Variants in AP3B1 observed in about 807,000 individuals in gnomAD.
AP3B1 encodes the protein AP-3 complex subunit beta-1.
Under a neutral mutation model 132.5 loss-of-function variants are expected in AP3B1, and 61 were observed. That is an observed-to-expected ratio of 0.46 (90% CI 0.37 to 0.57). The LOEUF (loss-of-function observed/expected upper bound fraction) is 0.57, where lower values mean the gene tolerates loss of function less well. Among genes scored for constraint, AP3B1 ranks in the 20% least tolerant of loss-of-function variants. The probability of loss-of-function intolerance (pLI) is 0.00; values close to 1 mark genes in which losing one functional copy is unlikely to be tolerated. For missense variants in AP3B1, 1,120 were observed against 1,289.4 expected (o/e 0.87, Z 2.01); for synonymous variants, 388 against 438.3 (o/e 0.89, Z 1.43).
intron 3 of AP3B1, among the ~76,000 whole-genome samples, chr5:78,238,736 C>CA (rs1156243156): frequency 6.7e-6 from 1 of 149,378 alleles, no homozygotes; most frequent in Non-Finnish European, 1.5e-5. Context: ...CTAGTTAACC[C>CA]AAAAAAGGAA....
chr5:78,041,665 A>G (rs1030118234), intron 22 of AP3B1, among the ~76,000 whole-genome samples: 3 of 152,150 alleles, frequency 2.0e-5, no homozygotes, highest in African/African-American at 7.2e-5. Context: ...GGTTATATAA[A>G]ATAATAGGGC....
chr5:78,055,401 T>C (rs1194649035), intron 22 of AP3B1, among the ~76,000 whole-genome samples: 1 of 152,224 alleles, frequency 6.6e-6, no homozygotes, highest in Admixed American at 6.5e-5. Context: ...TTCAAGCTAT[T>C]TGATGAGAAG....
At chr5:78,073,019 C>T (rs568469654) in intron 22 of AP3B1, among the ~76,000 whole-genome samples, 1 of 152,034 alleles carries the variant, frequency 6.6e-6, no homozygotes, top group Non-Finnish European at 1.5e-5. Context: ...CACGCCCAGC[C>T]CACGTCTGAT....
At chr5:78,009,381 G>A (rs1746524088) in intron 26 of AP3B1, among the ~76,000 whole-genome samples, 1 of 151,820 alleles carries the variant, frequency 6.6e-6, no homozygotes, top group Non-Finnish European at 1.5e-5. Context: ...GATTGCCTGG[G>A]CCCAGTTCAA....
At chr5:78,045,133 C>A (rs1748269356) in intron 22 of AP3B1, among the ~76,000 whole-genome samples, 1 of 152,016 alleles carries the variant, frequency 6.6e-6, no homozygotes. Flanking sequence ...GTAATCCCAG[C>A]ACTTTGGGAG....
chr5:78,077,960 T>A (rs1489210925), intron 22 of AP3B1, among the ~76,000 whole-genome samples: 1 of 152,176 alleles, frequency 6.6e-6, no homozygotes, highest in Non-Finnish European at 1.5e-5. Flanking sequence ...TCCCTAGGAT[T>A]CCATCTTCAG....
At chr5:78,085,887 C>G (rs1232721120) in intron 22 of AP3B1, among the ~76,000 whole-genome samples, 2 of 152,088 alleles carry the variant, frequency 1.3e-5, no homozygotes, top group Admixed American at 1.3e-4. Context: ...AAAAAACCCT[C>G]CAAAACATCA....
intron 1 of AP3B1, among the ~76,000 whole-genome samples, chr5:78,272,093 C>T (rs182772326): frequency 6.6e-6 from 1 of 152,200 alleles, no homozygotes; most frequent in African/African-American, 2.4e-5. Context: ...TTTCTACAGC[C>T]CTTTATCCTA....
intron 2 of AP3B1, among the ~76,000 whole-genome samples, chr5:78,256,412 A>G (rs1023444619): frequency 6.6e-6 from 1 of 152,150 alleles, no homozygotes; most frequent in African/African-American, 2.4e-5. Context: ...AAATTGGAAA[A>G]TCTAGAAGAA....
At chr5:78,023,539 A>C (rs1447383854) in intron 24 of AP3B1, among the ~76,000 whole-genome samples, 1 of 152,194 alleles carries the variant, frequency 6.6e-6, no homozygotes. Context: ...AATGGTGTAA[A>C]TGGTGTAGGG....
intron 26 of AP3B1, among the ~76,000 whole-genome samples, chr5:78,005,387 A>G (rs1447610818): frequency 6.6e-6 from 1 of 152,200 alleles, no homozygotes; most frequent in Non-Finnish European, 1.5e-5. Flanking sequence ...CTTAGAGTTA[A>G]TGTTACAATT....
intron 26 of AP3B1, among the ~76,000 whole-genome samples, chr5:78,011,060 T>C (rs1746602916): frequency 6.7e-6 from 1 of 149,382 alleles, no homozygotes; most frequent in Non-Finnish European, 1.5e-5. Context: ...TTTTTTTTTT[T>C]TGAGATGGAG....
At chr5:78,096,667 C>A (rs547453648) in intron 21 of AP3B1, among the ~76,000 whole-genome samples, 1 of 151,908 alleles carries the variant, frequency 6.6e-6, no homozygotes, top group Non-Finnish European at 1.5e-5. Flanking sequence ...GCCGCGACTC[C>A]GTCTGGGAGG....
At chr5:78,012,418 TTACA>T (rs1351754069) in intron 26 of AP3B1, among the ~76,000 whole-genome samples, 2 of 152,152 alleles carry the variant, frequency 1.3e-5, no homozygotes, top group African/African-American at 4.8e-5. Context: ...AGAAAAAGTG[TTACA>T]TACACAGGAT....
intron 1 of AP3B1, among the ~76,000 whole-genome samples, chr5:78,290,122 T>C (rs1446030581): frequency 1.3e-5 from 2 of 152,270 alleles, no homozygotes; most frequent in Middle Eastern, 6.8e-3. Context: ...TATTATCACA[T>C]CCCGTCTAGA....
intron 2 of AP3B1, among the ~76,000 whole-genome samples, chr5:78,262,275 G>A (rs948999476): frequency 8.6e-5 from 13 of 151,994 alleles, no homozygotes; most frequent in African/African-American, 3.1e-4. Context: ...TTGTTTTAGT[G>A]TTGTATCTAA....
chr5:78,130,462 G>C (rs1752639831), intron 15 of AP3B1, among the ~76,000 whole-genome samples: 1 of 152,000 alleles, frequency 6.6e-6, no homozygotes, highest in South Asian at 2.1e-4. Context: ...CAGTAGCAGA[G>C]TAGTTAAAAA....
At chr5:78,163,553 C>T (rs1187198457) in intron 12 of AP3B1, among the ~76,000 whole-genome samples, 2 of 149,834 alleles carry the variant, frequency 1.3e-5, no homozygotes, top group African/African-American at 2.5e-5. Flanking sequence ...TAAAAGTATG[C>T]TTTAAAAATA....
Position 78,227,442 on chromosome 5 carries a change from T to A in AP3B1, c.466A>T (p.Lys156Ter), listed in dbSNP as rs1424373279. The change falls in exon 5 of 27, where the codon AAG (lysine) becomes TAG (stop). Residue 156 changes from lysine (K) to a stop codon, truncating the protein, a stop_gained. Transcript: ENST00000255194. LOFTEE classifies it high-confidence loss of function. The stretch of plus-strand genomic sequence containing the variant: ...GGTGATAAGTCAGCAGAAGCTTCCT[T>A]AATAGCAAGCATCATGATAGGTACA... ...IIVPIMMLAI[K>*]EASADLSPYV... 6.2e-7 allele frequency: 1 copy of A among 1,613,560 alleles called. No homozygotes were observed. The highest frequency in any genetic ancestry group is 8.5e-7 in the Non-Finnish European group (1 of 1,179,692).
Sources: gnomAD v4.1 joint callset for allele counts (sites outside exome capture counted in the v4.1 genomes callset) on GRCh38, gnomAD v4.1.1 for gene constraint, MANE v1.5 for transcripts, NCBI Gene and HGNC (gene_info 2026-07-23, HGNC 2026-07-21) for gene names.